The following PCDHGA9 variants were observed in gnomAD, a reference collection of about 807,000 sequenced individuals.
The protein encoded by PCDHGA9 is protocadherin gamma subfamily A, 9.
In PCDHGA9, 37 loss-of-function variants were observed where a neutral mutation model predicts 62.5. That is an observed-to-expected ratio of 0.59 (90% CI 0.46 to 0.78). The LOEUF (loss-of-function observed/expected upper bound fraction) is 0.78, where lower values mean the gene tolerates loss of function less well. Ranked by LOEUF, PCDHGA9 falls within the 30% of genes least tolerant of loss-of-function variation. The pLI is 0.00. For synonymous variants in PCDHGA9, 459 were observed against 484.6 expected (o/e 0.95, Z 0.69); for missense variants, 1,138 against 1,166.2 (o/e 0.98, Z 0.35).
At chr5:141,421,702 A>G (rs2096594027) in intron 1 of PCDHGA9, 1 of 1,613,950 alleles carries the variant, frequency 6.2e-7, no homozygotes, top group Non-Finnish European at 8.5e-7. Context: ...TCCTAATGCT[A>G]GGGATCCAGA....
At position 141,402,899 on chromosome 5, in the gene PCDHGA9, G is replaced by A; in HGVS notation, c.-54G>A. 6.6e-7 allele frequency: 1 copy of A among 1,516,814 alleles called. No homozygotes were observed. Among genetic ancestry groups the A allele is most frequent in the Non-Finnish European group, 8.8e-7 (1 of 1,133,616 alleles). The allele number at this position is 1,516,814 out of a possible 1,614,324, so 94.0% of individuals were successfully genotyped here. On this transcript the variant is annotated 5_prime_UTR_variant, in exon 1 of 4. Coordinates refer to ENST00000573521, the MANE Select transcript of PCDHGA9 (RefSeq NM_018921.3). ...CTTTGCAGGGTGGAAGAAAGAACCT[G>A]ATGAAGCAGCGCGCACAGAGATCCT...
intron 1 of PCDHGA9, among the ~76,000 whole-genome samples, chr5:141,456,359 G>A (rs2098853225): frequency 6.6e-6 from 1 of 152,158 alleles, no homozygotes; most frequent in Non-Finnish European, 1.5e-5. Context: ...TGGCGTCCAT[G>A]TGTGGTTCAG....
At chr5:141,456,492 G>C (rs542424798) in intron 1 of PCDHGA9, among the ~76,000 whole-genome samples, 1 of 152,284 alleles carries the variant, frequency 6.6e-6, no homozygotes, top group African/African-American at 2.4e-5. Flanking sequence ...GCTTAATAAA[G>C]GGGTTAACCA....
chr5:141,451,212 G>A (rs2098710632), intron 1 of PCDHGA9, among the ~76,000 whole-genome samples: 1 of 152,156 alleles, frequency 6.6e-6, no homozygotes, highest in Non-Finnish European at 1.5e-5. Context: ...AAACTTAGTG[G>A]CTTAAAAGAA....
Position 141,404,086 on chromosome 5 carries a change from G to A in PCDHGA9, c.1134G>A (p.Lys378=). The stretch of plus-strand genomic sequence containing the variant: ...ATGCTCATGACCGAGACTCCGGGAA[G>A]AATGGTCAAGTTGTCTGTTCTATCC... ...LFNAHDRDSG[K]NGQVVCSIQE... is the part of the protein sequence containing the mutation. The change falls in exon 1 of 4, where the codon AAG becomes AAA. Residue 378 remains lysine (K), a synonymous_variant. Transcript: ENST00000573521. 1 of 1,613,630 alleles carries A rather than the reference G, an allele frequency of 6.2e-7. No individual in the cohort carries two copies. Among genetic ancestry groups the A allele is most frequent in the Non-Finnish European group, 8.5e-7 (1 of 1,179,590 alleles).
In PCDHGA9 at chr5:141,511,035, C is replaced by T. The variant is rs373005862; in HGVS notation, c.2661C>T (p.His887=). Residue 887 remains histidine (H), a synonymous_variant, in exon 4 of 4, where the codon CAC becomes CAT. Transcript: ENST00000573521. ...ACGGACCCCAGTTCACCCTGCAGCA[C>T]GTGCCCGACTACCGCCAGAATGTCT... ...ARYGPQFTLQ[H]VPDYRQNVYI... The T allele has an allele frequency of 1.7e-5, 27 of 1,614,208 alleles. No individual in the cohort carries two copies. The African/African-American group carries it at 2.9e-4, about 18-fold the overall frequency.
intron 1 of PCDHGA9, chr5:141,414,147 A>G: frequency 6.3e-7 from 1 of 1,599,090 alleles, no homozygotes; most frequent in Non-Finnish European, 8.5e-7. Flanking sequence ...TAGAAATACA[A>G]GCAGAAGATG....
At chr5:141,413,383 A>G in intron 1 of PCDHGA9, 1 of 1,613,998 alleles carries the variant, frequency 6.2e-7, no homozygotes, top group Non-Finnish European at 8.5e-7. Context: ...CGGAGTCCGC[A>G]TAGTCTCCAG....
chr5:141,508,740 C>G (rs2099871405), intron 3 of PCDHGA9, among the ~76,000 whole-genome samples: 1 of 152,006 alleles, frequency 6.6e-6, no homozygotes. Flanking sequence ...CACCCCCCAC[C>G]CCGCTCTTTC....
Position 141,403,711 on chromosome 5 carries a change from G to A in PCDHGA9, c.759G>A (p.Glu253=). 1 of 1,613,930 alleles carries A rather than the reference G, an allele frequency of 6.2e-7. No homozygotes were observed. Among genetic ancestry groups the A allele is most frequent in the South Asian group, 1.1e-5 (1 of 91,074 alleles). ...GGATTTACCGAGTTAAAGTCCTTGA[G>A]AACGTGCCCCCAGGCACCTGGCTGC... ...AQRIYRVKVL[E]NVPPGTWLLT... Residue 253 remains glutamate, a synonymous_variant, in exon 1 of 4, where the codon GAG becomes GAA. Transcript: ENST00000573521.
In PCDHGA9 at chr5:141,418,992, A is replaced by G. The variant is rs554523363; in HGVS notation, c.2424+13616A>G. 28 of 1,613,802 alleles carry G rather than the reference A, an allele frequency of 1.7e-5. No individual in the cohort carries two copies. The African/African-American group carries it at 2.7e-4, about 15-fold the overall frequency. On this transcript the variant is annotated intron_variant, in intron 1 of 3. Coordinates refer to ENST00000573521, the MANE Select transcript of PCDHGA9 (RefSeq NM_018921.3). Reference sequence around the variant, plus strand: ...AAAACACGGGACCAAGACTCAGGGGAAAATGGGGAAGTCAGGTGTAGCTTA... The same window carrying G: ...AAAACACGGGACCAAGACTCAGGGGGAAATGGGGAAGTCAGGTGTAGCTTA...
chr5:141,475,870 C>CAGTT, intron 1 of PCDHGA9: 1 of 511,190 alleles, frequency 2.0e-6, no homozygotes, highest in East Asian at 3.3e-5. Context: ...ATTCTTCGTG[C>CAGTT]AGTTATTGGC....
chr5:141,404,497 T>C lies in PCDHGA9; in HGVS notation c.1545T>C (p.Tyr515=). 6.2e-7 allele frequency: 1 copy of C among 1,613,930 alleles called. No individual in the cohort carries two copies. The highest frequency in any genetic ancestry group is 8.5e-7 in the Non-Finnish European group (1 of 1,179,822). The change falls in exon 1 of 4, where the codon TAT becomes TAC. Residue 515 remains tyrosine, a synonymous_variant. Coordinates refer to ENST00000573521, the MANE Select transcript of PCDHGA9 (RefSeq NM_018921.3). The part of the protein sequence containing the change: ...VSINSDTGVL[Y]ALCSFDYEQF... The stretch of plus-strand genomic sequence containing the variant: ...TTAACTCAGACACTGGTGTGCTGTA[T>C]GCTCTGTGCTCCTTTGACTATGAGC...
Position 141,489,090 on chromosome 5 carries a change from C to CCAA in PCDHGA9, c.2425-5717_2425-5716insCAA, listed in dbSNP as rs2099682444. 1 of 328,824 alleles carries CCAA rather than the reference C, an allele frequency of 3.0e-6. No individual in the cohort carries two copies. Among genetic ancestry groups the CCAA allele is most frequent in the Admixed American group, 6.1e-5 (1 of 16,500 alleles). The allele number at this position is 328,824 out of a possible 1,614,324, so 20.4% of individuals were successfully genotyped here. ...CCTGCCCACCCCCGCCACTCGGTGA[C>CCAA]TAAGAACTGCTGCAAGCAGGCAAAC... On this transcript the variant is annotated intron_variant, in intron 1 of 3. Transcript: ENST00000573521. This position sits in a 1 kb window ranked among gnomAD's most constrained non-coding sequence, Gnocchi z 4.5.
At chr5:141,468,965 T>C (rs2099187692) in intron 1 of PCDHGA9, among the ~76,000 whole-genome samples, 1 of 151,738 alleles carries the variant, frequency 6.6e-6, no homozygotes, top group Admixed American at 6.6e-5. Context: ...TTTTTTACCT[T>C]AGGCTTTTGA....
intron 1 of PCDHGA9, among the ~76,000 whole-genome samples, chr5:141,457,906 T>G (rs1272656638): frequency 6.7e-6 from 1 of 150,040 alleles, no homozygotes; most frequent in Admixed American, 6.6e-5. Flanking sequence ...AGACAAGGTG[T>G]GAGGCCAGTT....
chr5:141,443,136 C>T (rs910953831), intron 1 of PCDHGA9, among the ~76,000 whole-genome samples: 1 of 152,160 alleles, frequency 6.6e-6, no homozygotes, highest in African/African-American at 2.4e-5. Context: ...AGAACACTAT[C>T]ATAAGTTATA....
intron 2 of PCDHGA9, among the ~76,000 whole-genome samples, chr5:141,495,601 G>A (rs1315613802): frequency 3.3e-5 from 5 of 152,004 alleles, no homozygotes; most frequent in South Asian, 2.1e-4. Context: ...CTTAGCTTCC[G>A]TCTTGATTGC....
intron 1 of PCDHGA9, among the ~76,000 whole-genome samples, chr5:141,469,436 G>T (rs556417221): frequency 6.6e-6 from 1 of 152,002 alleles, no homozygotes; most frequent in Non-Finnish European, 1.5e-5. Flanking sequence ...TTAGCTGGGC[G>T]TGGTGGTGCA....
Sources: allele counts gnomAD v4.1 joint callset (sites outside exome capture counted in the v4.1 genomes callset), GRCh38; gene constraint gnomAD v4.1.1; non-coding constraint Gnocchi (gnomAD v3.1); transcripts MANE v1.5; gene names NCBI Gene and HGNC (gene_info 2026-07-23, HGNC 2026-07-21).